MAP3K19: variants seen among roughly 807,000 people sequenced by gnomAD.
MAP3K19 encodes SPS1/STE20-related protein kinase YSK4.
A neutral mutation model predicts 114.4 loss-of-function variants in MAP3K19; 91 were observed. That is an observed-to-expected ratio of 0.80 (90% CI 0.67 to 0.95). The LOEUF (loss-of-function observed/expected upper bound fraction) is 0.95, where lower values mean the gene tolerates loss of function less well. MAP3K19 is among the 40% of genes least tolerant of loss of function. The pLI is 0.00. For synonymous variants in MAP3K19, 518 were observed against 530.5 expected, an observed-to-expected ratio of 0.98 and a Z score of 0.32; for missense variants, 1,471 against 1,573.2, an observed-to-expected ratio of 0.94 and a Z score of 1.10.
At chr2:135,025,217 T>G (rs1688205896) in intron 3 of MAP3K19, among the ~76,000 whole-genome samples, 1 of 152,024 alleles carries the variant, frequency 6.6e-6, no homozygotes. Flanking sequence ...TTCTTTTTTC[T>G]AATGCTAACA....
intron 2 of MAP3K19, among the ~76,000 whole-genome samples, chr2:135,038,446 C>T (rs1688579068): frequency 6.6e-6 from 1 of 152,038 alleles, no homozygotes; most frequent in African/African-American, 2.4e-5. Flanking sequence ...CATGTTCCTG[C>T]ATAACTTGCT....
chr2:135,030,969 A>G (rs2104784500), intron 2 of MAP3K19, among the ~76,000 whole-genome samples: 1 of 152,294 alleles, frequency 6.6e-6, no homozygotes, highest in African/African-American at 2.4e-5. Flanking sequence ...AGGCTTATAT[A>G]TCCTTGAATG....
chr2:135,046,400 C>T (rs1208729424), intron 1 of MAP3K19, among the ~76,000 whole-genome samples: 3 of 152,136 alleles, frequency 2.0e-5, no homozygotes, highest in African/African-American at 4.8e-5. Flanking sequence ...GCCTCAGCCT[C>T]CCAAGTAGCT....
chr2:134,967,384 C>G (rs1388278222), intron 12 of MAP3K19, among the ~76,000 whole-genome samples: 2 of 152,200 alleles, frequency 1.3e-5, no homozygotes, highest in Non-Finnish European at 2.9e-5. Flanking sequence ...AGGAAATCCT[C>G]TTGCAGTTGA....
chr2:134,977,062 A>G (rs1684287445), intron 12 of MAP3K19, among the ~76,000 whole-genome samples: 1 of 151,850 alleles, frequency 6.6e-6, no homozygotes, highest in Non-Finnish European at 1.5e-5. Flanking sequence ...AAAAAAAAAA[A>G]AAAAATTCTT....
chr2:134,986,688 A>G lies in MAP3K19; in HGVS notation c.2184T>C (p.Thr728=), dbSNP rs760304889. Residue 728 remains threonine, a synonymous_variant, in exon 10 of 13, where the codon ACT becomes ACC. Coordinates refer to ENST00000392915, the MANE Select transcript of MAP3K19 (RefSeq NM_025052.5). ...TGTGCTCTTGTTTAATGCCAAATGA[A>G]GTCTTTGGGCATTTCATATGTGTTT... is the stretch of plus-strand genomic sequence containing the variant. ...QKKTHMKCPK[T]SFGIKQEHKV... The G allele has an allele frequency of 6.2e-7, 1 of 1,614,138 alleles. No homozygotes were observed. The highest frequency in any genetic ancestry group is 8.5e-7 in the Non-Finnish European group (1 of 1,180,026).
chr2:135,045,771 A>G (rs912895884), intron 1 of MAP3K19, among the ~76,000 whole-genome samples: 2 of 152,218 alleles, frequency 1.3e-5, no homozygotes, highest in African/African-American at 2.4e-5. Context: ...AAATCAAATC[A>G]CTGCAATACC....
At chr2:134,983,211 T>C in intron 11 of MAP3K19, 1 of 533,804 alleles carries the variant, frequency 1.9e-6, no homozygotes, top group South Asian at 1.4e-5. Flanking sequence ...CAAGATCTCT[T>C]ATGCAGTTCA....
At chr2:134,972,191 A>C (rs532682246) in intron 12 of MAP3K19, among the ~76,000 whole-genome samples, 2 of 151,980 alleles carry the variant, frequency 1.3e-5, no homozygotes, top group African/African-American at 4.8e-5. Flanking sequence ...GGTCTTATTC[A>C]AGCTTTCTAT....
intron 1 of MAP3K19, among the ~76,000 whole-genome samples, chr2:135,042,952 G>A (rs544683618): frequency 9.9e-5 from 15 of 151,986 alleles, no homozygotes; most frequent in Admixed American, 2.0e-4. Context: ...GTGTGGTGGC[G>A]CGCACCTGTA....
intron 12 of MAP3K19, among the ~76,000 whole-genome samples, chr2:134,965,702 T>C (rs1236917326): frequency 6.6e-6 from 1 of 152,230 alleles, no homozygotes; most frequent in Non-Finnish European, 1.5e-5. Flanking sequence ...TATTGATATA[T>C]AATGAGTATT....
At chr2:134,985,378 C>G (rs1438509643) in intron 10 of MAP3K19, among the ~76,000 whole-genome samples, 1 of 152,172 alleles carries the variant, frequency 6.6e-6, no homozygotes, top group East Asian at 1.9e-4. Flanking sequence ...TTCCTATGAA[C>G]AAAATGGTGA....
chr2:135,043,175 G>A (rs1232670671), intron 1 of MAP3K19, among the ~76,000 whole-genome samples: 1 of 152,136 alleles, frequency 6.6e-6, no homozygotes, highest in African/African-American at 2.4e-5. Context: ...AAGAGGTTGG[G>A]GTCCAGGAAC....
At chr2:134,970,191 T>C (rs576253573) in intron 12 of MAP3K19, among the ~76,000 whole-genome samples, 3 of 152,336 alleles carry the variant, frequency 2.0e-5, no homozygotes, top group Non-Finnish European at 2.9e-5. Context: ...TATTTTTGCA[T>C]TGAATCCATA....
At chr2:134,988,856 AT>A (rs1484992765) in intron 9 of MAP3K19, among the ~76,000 whole-genome samples, 1 of 152,178 alleles carries the variant, frequency 6.6e-6, no homozygotes, top group Non-Finnish European at 1.5e-5. Flanking sequence ...GATAAGAAGC[AT>A]TTTATTTCTC....
At chr2:135,032,372 A>AAAAAGAG (rs765508585) in intron 2 of MAP3K19, among the ~76,000 whole-genome samples, 4 of 145,348 alleles carry the variant, frequency 2.8e-5, no homozygotes, top group African/African-American at 5.2e-5. Context: ...AAAAAAAAAA[A>AAAAAGAG]AGAAAAGAAA....
At chr2:135,042,513 A>AG in intron 1 of MAP3K19, among the ~76,000 whole-genome samples, 1 of 151,018 alleles carries the variant, frequency 6.6e-6, no homozygotes, top group South Asian at 2.1e-4. Flanking sequence ...AAAAAAAAAA[A>AG]AAAAAAGAAA....
chr2:134,973,432 G>A lies in MAP3K19; in HGVS notation c.3920+7389C>T, dbSNP rs1292766580. 2.6e-5 allele frequency among the ~76,000 whole-genome samples: 4 copies of A among 152,052 alleles called. No individual in the cohort carries two copies. The South Asian group carries it at 8.3e-4, about 32-fold the overall frequency. On this transcript the variant is annotated intron_variant, in intron 12 of 12. Transcript: ENST00000392915. ...GTGTGTTTTATCTGATATGAATATA[G>A]CTACTCATGCTCTCTATTGGTTTCT...
rs1368251703 is a variant in MAP3K19 at position 134,986,962 on chromosome 2, G to T, written c.1910C>A (p.Pro637Gln). ...CVPLSVQPTE[P>Q]RLNYLDLKYS... Reference sequence around the variant, plus strand: ...CTTAAGATCTAGGTAATTTAGTCTTGGCTCTGTCGGTTGAACAGAGAGAGG... The same window carrying T: ...CTTAAGATCTAGGTAATTTAGTCTTTGCTCTGTCGGTTGAACAGAGAGAGG... The change falls in exon 10 of 13, where the codon CCA becomes CAA. Residue 637 changes from proline to glutamine, a missense_variant. Coordinates refer to ENST00000392915, the MANE Select transcript of MAP3K19 (RefSeq NM_025052.5). 1 of 1,613,694 alleles carries T rather than the reference G, an allele frequency of 6.2e-7. No homozygotes were observed. Among genetic ancestry groups the T allele is most frequent in the African/African-American group, 1.3e-5 (1 of 74,912 alleles).
Sources: allele counts gnomAD v4.1 joint callset (sites outside exome capture counted in the v4.1 genomes callset), GRCh38; gene constraint gnomAD v4.1.1; transcripts MANE v1.5; gene names NCBI Gene and HGNC (gene_info 2026-07-23, HGNC 2026-07-21).